NT5DC1: variants seen among roughly 807,000 people sequenced by gnomAD.
The protein encoded by NT5DC1 is 5'-nucleotidase domain-containing protein 1.
In NT5DC1, 42 loss-of-function variants were observed where a neutral mutation model predicts 59.4. The ratio of observed to expected loss-of-function variants is 0.71; its 90% confidence interval spans 0.55 to 0.92. The LOEUF is 0.92. NT5DC1 is among the 40% of genes least tolerant of loss of function. The pLI is 0.00. For synonymous variants in NT5DC1, 172 were observed against 188.1 expected (o/e 0.91, Z 0.70); for missense variants, 501 against 537.1 (o/e 0.93, Z 0.66).
chr6:116,225,276 C>A (rs1781885315), intron 8 of NT5DC1, among the ~76,000 whole-genome samples: 1 of 152,014 alleles, frequency 6.6e-6, no homozygotes, highest in Admixed American at 6.6e-5. Flanking sequence ...TGCCTGGAGT[C>A]CAAGGGAACA....
intron 6 of NT5DC1, among the ~76,000 whole-genome samples, chr6:116,126,563 T>C (rs976728360): frequency 2.0e-5 from 3 of 152,188 alleles, no homozygotes; most frequent in Admixed American, 6.5e-5. Context: ...TATTGAGTTA[T>C]TACATAAAGT....
Position 116,187,880 on chromosome 6 carries a change from G to A in NT5DC1, c.530-33174G>A, listed in dbSNP as rs142359423. Among the ~76,000 whole-genome samples, 385 of 152,066 alleles carry A rather than the reference G, an allele frequency of 2.5e-3. 6 individuals carry two copies. The highest frequency in any genetic ancestry group is 0.023 in the Admixed American group (358 of 15,256). ...TGAATAAATTTGACAAACATTAAAC[G>A]TCTCTCTTCATAAAAAATTACTAAG... On this transcript the variant is annotated intron_variant, in intron 6 of 11. Coordinates refer to ENST00000319550, the MANE Select transcript of NT5DC1 (RefSeq NM_152729.3).
chr6:116,164,850 G>A (rs755922004), intron 6 of NT5DC1, among the ~76,000 whole-genome samples: 4 of 152,046 alleles, frequency 2.6e-5, no homozygotes, highest in Non-Finnish European at 4.4e-5. Flanking sequence ...TTGGGAGGCC[G>A]AGGCAGGCAG....
chr6:116,223,628 A>G (rs974129757), intron 8 of NT5DC1, among the ~76,000 whole-genome samples: 1 of 152,242 alleles, frequency 6.6e-6, no homozygotes, highest in Non-Finnish European at 1.5e-5. Context: ...AGGTACTCAT[A>G]GTAGGTGTTC....
intron 1 of NT5DC1, among the ~76,000 whole-genome samples, chr6:116,104,054 C>T (rs1778717031): frequency 6.6e-6 from 1 of 152,072 alleles, no homozygotes; most frequent in African/African-American, 2.4e-5. Context: ...ATTATTACTC[C>T]TGAGAGACTG....
Position 116,246,271 on chromosome 6 carries a change from G to C in NT5DC1, c.*2247G>C, listed in dbSNP as rs555083883. ...TTTTCTTTGCTGGCCACTGTTTATC[G>C]CATCAGCAGAGGAAAGATCTGAATG... is the stretch of plus-strand genomic sequence containing the variant. On this transcript the variant is annotated 3_prime_UTR_variant, in exon 12 of 12. Coordinates refer to ENST00000319550, the MANE Select transcript of NT5DC1 (RefSeq NM_152729.3). 93 of 152,126 alleles carry C rather than the reference G, an allele frequency of 6.1e-4. No homozygotes were observed. The highest frequency in any genetic ancestry group is 2.2e-3 in the African/African-American group (92 of 41,522). 9.4% of individuals were successfully genotyped at this position (152,126 alleles called of 1,614,324 possible).
Position 116,115,782 on chromosome 6 carries a change from C to G in NT5DC1, c.444+12C>G. 7.1e-7 allele frequency: 1 copy of G among 1,401,370 alleles called. No individual in the cohort carries two copies. Among genetic ancestry groups the G allele is most frequent in the Non-Finnish European group, 1.0e-6 (1 of 987,108 alleles). 86.8% of individuals were successfully genotyped at this position (1,401,370 alleles called of 1,614,324 possible). A position where few individuals can be genotyped will look rare whatever the true frequency, so the allele number is the denominator to read the frequency against. On this transcript the variant is annotated intron_variant, in intron 5 of 11. Coordinates refer to ENST00000319550, the MANE Select transcript of NT5DC1 (RefSeq NM_152729.3). Reference sequence around the variant, plus strand: ...ACTATTTAACAAAAGTAAGTGGGGACTCATTTTTTAAAACTATGATATGTA... The same window carrying G: ...ACTATTTAACAAAAGTAAGTGGGGAGTCATTTTTTAAAACTATGATATGTA...
intron 6 of NT5DC1, among the ~76,000 whole-genome samples, chr6:116,143,337 A>G (rs182289814): frequency 1.3e-5 from 2 of 152,212 alleles, no homozygotes; most frequent in East Asian, 1.9e-4. Flanking sequence ...CAACCTCTCA[A>G]GTAGCTGGGA....
chr6:116,101,842 A>G (rs1291907706), intron 1 of NT5DC1, among the ~76,000 whole-genome samples: 1 of 152,172 alleles, frequency 6.6e-6, no homozygotes, highest in Non-Finnish European at 1.5e-5. Context: ...TTTTTAGTCC[A>G]AGATCTAAGC....
chr6:116,247,683 C>T lies in NT5DC1; in HGVS notation c.*3659C>T, dbSNP rs1771875374. 1 of 152,168 alleles carries T rather than the reference C, an allele frequency of 6.6e-6. No individual in the cohort carries two copies. Among genetic ancestry groups the T allele is most frequent in the South Asian group, 2.1e-4 (1 of 4,826 alleles). The allele number at this position is 152,168 out of a possible 1,614,324, so 9.4% of individuals were successfully genotyped here. On this transcript the variant is annotated 3_prime_UTR_variant, in exon 12 of 12. Coordinates refer to ENST00000319550, the MANE Select transcript of NT5DC1 (RefSeq NM_152729.3). ...CAAGTTTATTTTACTTTTTTTGGTACTTTGGTCATGTTGTTTCCTTGGTAA... is the reference window on the plus strand; with the variant it reads ...CAAGTTTATTTTACTTTTTTTGGTATTTTGGTCATGTTGTTTCCTTGGTAA...
intron 5 of NT5DC1, among the ~76,000 whole-genome samples, chr6:116,116,598 C>T (rs1036731768): frequency 2.0e-4 from 30 of 152,078 alleles, no homozygotes; most frequent in African/African-American, 4.6e-4. Flanking sequence ...GCCGAGATCA[C>T]GCCACTGCAC....
chr6:116,161,140 A>G (rs557435546), intron 6 of NT5DC1, among the ~76,000 whole-genome samples: 6 of 143,322 alleles, frequency 4.2e-5, no homozygotes, highest in East Asian at 4.2e-4. Context: ...GAATTGAACA[A>G]TGAGAACACA....
intron 8 of NT5DC1, among the ~76,000 whole-genome samples, chr6:116,227,866 A>T (rs6914038): frequency 6.6e-6 from 1 of 151,920 alleles, no homozygotes; most frequent in African/African-American, 2.4e-5. Context: ...TTAACCCCTT[A>T]TCAGATGTAT....
chr6:116,175,390 T>G (rs192763463), intron 6 of NT5DC1, among the ~76,000 whole-genome samples: 1 of 152,188 alleles, frequency 6.6e-6, no homozygotes, highest in Non-Finnish European at 1.5e-5. Context: ...TTGACTATGA[T>G]GTGGTAGATT....
At chr6:116,144,537 T>C (rs1457374852) in intron 6 of NT5DC1, among the ~76,000 whole-genome samples, 2 of 152,180 alleles carry the variant, frequency 1.3e-5, no homozygotes, top group African/African-American at 4.8e-5. Context: ...ACACCAACTT[T>C]CATGAGTTTC....
chr6:116,221,092 C>A lies in NT5DC1; in HGVS notation c.568C>A (p.Pro190Thr). The A allele has an allele frequency of 6.4e-7, 1 of 1,556,882 alleles. No individual in the cohort carries two copies. ...GIYFPEIKRD[P>T]GRYLHSCPES... The stretch of plus-strand genomic sequence containing the variant: ...ATATTTTCCAGAAATAAAAAGAGAT[C>A]CAGGCAGATATTTACATAGTTGTCC... The change falls in exon 7 of 12, where the codon CCA becomes ACA. Residue 190 changes from proline to threonine, a missense_variant. Coordinates refer to ENST00000319550, the MANE Select transcript of NT5DC1 (RefSeq NM_152729.3).
At chr6:116,116,375 G>A (rs1168191006) in intron 5 of NT5DC1, among the ~76,000 whole-genome samples, 1 of 152,176 alleles carries the variant, frequency 6.6e-6, no homozygotes, top group Non-Finnish European at 1.5e-5. Flanking sequence ...CAGGTGCAGT[G>A]GCTTACGCCT....
chr6:116,226,076 G>A (rs1189462332), intron 8 of NT5DC1, among the ~76,000 whole-genome samples: 1 of 152,104 alleles, frequency 6.6e-6, no homozygotes, highest in Non-Finnish European at 1.5e-5. Flanking sequence ...ATAGGTTGAT[G>A]TTGTTTTTAT....
At chr6:116,173,290 G>A (rs1780654111) in intron 6 of NT5DC1, among the ~76,000 whole-genome samples, 1 of 152,108 alleles carries the variant, frequency 6.6e-6, no homozygotes, top group African/African-American at 2.4e-5. Context: ...TTTAAGAGTT[G>A]CAAAATTTAA....
Sources: gnomAD v4.1 joint callset for allele counts (sites outside exome capture counted in the v4.1 genomes callset) on GRCh38, gnomAD v4.1.1 for gene constraint, MANE v1.5 for transcripts, NCBI Gene and HGNC (gene_info 2026-07-23, HGNC 2026-07-21) for gene names.